Variants in PTPRD observed in about 807,000 individuals in gnomAD.
The protein encoded by PTPRD is protein tyrosine phosphatase receptor type D, also known as receptor-type tyrosine-protein phosphatase delta.
In PTPRD, 34 loss-of-function variants were observed where a neutral mutation model predicts 214.5. The observed-to-expected ratio is 0.16, with a 90% CI of 0.12 to 0.21. PTPRD has a LOEUF of 0.21. Ranked by LOEUF, PTPRD falls within the 10% of genes least tolerant of loss-of-function variation. PTPRD has a pLI of 1.00. For synonymous variants in PTPRD, 1,128 were observed against 845.7 expected, an observed-to-expected ratio of 1.33 and a Z score of -5.79; for missense variants, 2,545 against 2,398.7, an observed-to-expected ratio of 1.06 and a Z score of -1.27.
At chr9:10,118,059 G>C (rs1456531073) in intron 3 of PTPRD, among the ~76,000 whole-genome samples, 1 of 151,932 alleles carries the variant, frequency 6.6e-6, no homozygotes, top group African/African-American at 2.4e-5. Flanking sequence ...AGGTGCAATA[G>C]TTCACTTGTA....
At chr9:9,285,168 T>C (rs1333828929) in intron 9 of PTPRD, among the ~76,000 whole-genome samples, 1 of 151,812 alleles carries the variant, frequency 6.6e-6, no homozygotes, top group Non-Finnish European at 1.5e-5. Context: ...ATGGAAAATA[T>C]TCAACTTTTT....
At chr9:9,858,211 C>A (rs1403148540) in intron 5 of PTPRD, among the ~76,000 whole-genome samples, 1 of 152,132 alleles carries the variant, frequency 6.6e-6, no homozygotes, top group African/African-American at 2.4e-5. Context: ...TTTCATGATG[C>A]TCTGGAAGCC....
intron 12 of PTPRD, among the ~76,000 whole-genome samples, chr9:8,697,966 G>T (rs970524539): frequency 1.3e-5 from 2 of 152,116 alleles, no homozygotes; most frequent in African/African-American, 4.8e-5. Context: ...TCCATGGGAG[G>T]CTCTAAACTT....
intron 4 of PTPRD, among the ~76,000 whole-genome samples, chr9:10,010,995 G>T (rs1007111408): frequency 1.3e-5 from 2 of 151,910 alleles, no homozygotes; most frequent in Non-Finnish European, 2.9e-5. Flanking sequence ...ATTTCATCTG[G>T]TTAGGACATG....
chr9:10,254,051 C>T (rs964203133), intron 3 of PTPRD, among the ~76,000 whole-genome samples: 8 of 152,254 alleles, frequency 5.3e-5, no homozygotes, highest in South Asian at 4.1e-4. Context: ...AAAGAAAGCA[C>T]GTTTTCTGAG....
At chr9:9,362,472 A>C (rs940523246) in intron 9 of PTPRD, among the ~76,000 whole-genome samples, 3 of 151,208 alleles carry the variant, frequency 2.0e-5, no homozygotes, top group African/African-American at 7.3e-5. Context: ...TTCAAGGATG[A>C]AATGTATGAG....
At position 10,343,921 on chromosome 9, in the gene PTPRD, G is replaced by C. The variant is rs545284987; in HGVS notation, c.-599-2904C>G. Among the ~76,000 whole-genome samples the C allele has an allele frequency of 4.7e-5, 7 of 150,096 alleles. No homozygotes were observed. In the South Asian group the frequency reaches 1.5e-3, roughly 32 times the overall value. On this transcript the variant is annotated intron_variant, in intron 2 of 45. Coordinates refer to ENST00000381196, the MANE Select transcript of PTPRD (RefSeq NM_002839.4). ...TCTGGATATTAGCTCTTTGTCAGAT[G>C]GGTGGATTGCAAAATTTTTCTCCCA...
chr9:8,864,144 T>A (rs932031967), intron 11 of PTPRD, among the ~76,000 whole-genome samples: 7 of 152,192 alleles, frequency 4.6e-5, no homozygotes, highest in African/African-American at 1.7e-4. Flanking sequence ...GAAGGAAAAC[T>A]CTGTTTCTCT....
chr9:8,770,272 A>G lies in PTPRD; in HGVS notation c.-103-36326T>C, dbSNP rs149511872. On this transcript the variant is annotated intron_variant, in intron 11 of 45. Transcript: ENST00000381196. ...GCATTCCAGCCTGGATGACAGAGCT[A>G]GATTCCGTCTCAAATAAATAAATAA... 3.9e-4 allele frequency among the ~76,000 whole-genome samples: 60 copies of G among 152,174 alleles called. No individual in the cohort carries two copies. The East Asian group carries it at 0.011, about 28-fold the overall frequency.
At chr9:10,521,387 C>A (rs1017536022) in intron 2 of PTPRD, among the ~76,000 whole-genome samples, 1 of 151,986 alleles carries the variant, frequency 6.6e-6, no homozygotes, top group South Asian at 2.1e-4. Context: ...GTGGATGAGC[C>A]GAGGAAGTGG....
chr9:9,450,797 C>T (rs2091929184), intron 8 of PTPRD, among the ~76,000 whole-genome samples: 1 of 151,006 alleles, frequency 6.6e-6, no homozygotes, highest in Non-Finnish European at 1.5e-5. Context: ...AAAAAGAGAA[C>T]AAAGTAATAG....
intron 3 of PTPRD, among the ~76,000 whole-genome samples, chr9:10,040,641 T>G (rs2097279789): frequency 6.6e-6 from 1 of 152,044 alleles, no homozygotes. Flanking sequence ...CATAGTTAAC[T>G]TCTTCCTAAA....
chr9:9,457,179 T>C (rs1345889894), intron 8 of PTPRD, among the ~76,000 whole-genome samples: 1 of 151,938 alleles, frequency 6.6e-6, no homozygotes, highest in East Asian at 1.9e-4. Context: ...CAATTGGTAC[T>C]TATTTACTCT....
rs568143320 is a variant in PTPRD at position 9,490,324 on chromosome 9, T to G, written c.-237+84408A>C. Among the ~76,000 whole-genome samples the G allele has an allele frequency of 1.1e-3, 167 of 152,146 alleles. 1 individual carries two copies. The highest frequency in any genetic ancestry group is 3.5e-3 in the African/African-American group (146 of 41,550). ...TAGAAGCTATGTGAAGAAATAAAGATCTCAATATAGATAAATATATAGGCA... is the reference window on the plus strand; with the variant it reads ...TAGAAGCTATGTGAAGAAATAAAGAGCTCAATATAGATAAATATATAGGCA... On this transcript the variant is annotated intron_variant, in intron 8 of 45. Transcript: ENST00000381196.
At chr9:9,559,034 C>T (rs1016683934) in intron 8 of PTPRD, among the ~76,000 whole-genome samples, 3 of 152,100 alleles carry the variant, frequency 2.0e-5, no homozygotes, top group East Asian at 1.9e-4. Flanking sequence ...CGTTCCAGTC[C>T]GGGGGGGTAG....
chr9:9,982,024 C>T (rs2095558934), intron 4 of PTPRD, among the ~76,000 whole-genome samples: 1 of 152,074 alleles, frequency 6.6e-6, no homozygotes. Flanking sequence ...TGATAATTTA[C>T]CATAATTTGC....
rs975790961 is a variant in PTPRD at position 8,315,833 on chromosome 9, C to T, written c.*2041G>A. 8.9e-6 allele frequency: 2 copies of T among 225,182 alleles called. No homozygotes were observed. Among genetic ancestry groups the T allele is most frequent in the African/African-American group, 2.2e-5 (1 of 44,810 alleles). The allele number at this position is 225,182 out of a possible 1,614,324, so 13.9% of individuals were successfully genotyped here. On this transcript the variant is annotated 3_prime_UTR_variant, in exon 46 of 46. Coordinates refer to ENST00000381196, the MANE Select transcript of PTPRD (RefSeq NM_002839.4). ...TCATACCAAAACTCTTTAAGAGTTC[C>T]TTGGGTATTTTGAGGATTATTTAAA...
intron 3 of PTPRD, among the ~76,000 whole-genome samples, chr9:10,098,564 T>C (rs1017368330): frequency 6.6e-6 from 1 of 151,816 alleles, no homozygotes; most frequent in African/African-American, 2.4e-5. Context: ...CACTCTCATA[T>C]TTCAGTGGAA....
chr9:9,765,587 A>T (rs1210509666), intron 6 of PTPRD, among the ~76,000 whole-genome samples: 2 of 152,222 alleles, frequency 1.3e-5, no homozygotes, highest in African/African-American at 4.8e-5. Context: ...TCTATTCAAT[A>T]TTTAAATATA....
Sources: gnomAD v4.1 joint callset for allele counts (sites outside exome capture counted in the v4.1 genomes callset) on GRCh38, gnomAD v4.1.1 for gene constraint, MANE v1.5 for transcripts, NCBI Gene and HGNC (gene_info 2026-07-23, HGNC 2026-07-21) for gene names.